Variants in ROBO1 observed in about 807,000 individuals in gnomAD.
ROBO1 encodes the protein roundabout guidance receptor 1.
Under a neutral mutation model 195.9 loss-of-function variants are expected in ROBO1, and 149 were observed. The observed-to-expected ratio is 0.76, with a 90% CI of 0.67 to 0.87. The LOEUF is 0.87. Among genes scored for constraint, ROBO1 ranks in the 40% least tolerant of loss-of-function variants. The probability of loss-of-function intolerance (pLI) is 0.00; values close to 1 mark genes in which losing one functional copy is unlikely to be tolerated. For missense variants in ROBO1, 1,933 were observed against 2,068.3 expected, an observed-to-expected ratio of 0.93 and a Z score of 1.27; for synonymous variants, 816 against 733.2, an observed-to-expected ratio of 1.11 and a Z score of -1.82.
At chr3:79,213,864 C>T (rs2082008645) in intron 2 of ROBO1, among the ~76,000 whole-genome samples, 1 of 127,204 alleles carries the variant, frequency 7.9e-6, no homozygotes, top group Non-Finnish European at 1.6e-5. Flanking sequence ...CTCATTCTGT[C>T]ACCCAGGCTG....
At chr3:79,521,275 T>C (rs1308535593) in intron 2 of ROBO1, among the ~76,000 whole-genome samples, 2 of 152,200 alleles carry the variant, frequency 1.3e-5, no homozygotes, top group Non-Finnish European at 2.9e-5. Context: ...TTGCCTTAAA[T>C]GTCTGACTAT....
intron 4 of ROBO1, among the ~76,000 whole-genome samples, chr3:78,827,775 T>C (rs1404174365): frequency 1.3e-5 from 2 of 152,182 alleles, no homozygotes; most frequent in Non-Finnish European, 1.5e-5. Context: ...GTTCTCTTCC[T>C]AAGGGAACTT....
intron 3 of ROBO1, among the ~76,000 whole-genome samples, chr3:79,042,103 A>G (rs905710759): frequency 2.6e-5 from 4 of 152,174 alleles, no homozygotes; most frequent in African/African-American, 9.7e-5. Flanking sequence ...GAAGGCTACT[A>G]TTTATTAAGC....
intron 1 of ROBO1, among the ~76,000 whole-genome samples, chr3:79,590,698 G>A (rs1943971142): frequency 1.3e-5 from 2 of 151,376 alleles, no homozygotes; most frequent in South Asian, 2.1e-4. Context: ...TCCAATAAGT[G>A]GAAAATAAAA....
At chr3:79,463,388 A>C (rs950830576) in intron 2 of ROBO1, among the ~76,000 whole-genome samples, 4 of 145,080 alleles carry the variant, frequency 2.8e-5, no homozygotes, top group African/African-American at 1.0e-4. Context: ...AAAAAAACAT[A>C]AAACAAAAAA....
At chr3:79,268,830 T>C (rs994055169) in intron 2 of ROBO1, among the ~76,000 whole-genome samples, 2 of 151,756 alleles carry the variant, frequency 1.3e-5, no homozygotes, top group Non-Finnish European at 3.0e-5. Flanking sequence ...ACCACATGGA[T>C]ACTATTCTGA....
chr3:78,699,907 T>C (rs139325557), intron 8 of ROBO1, among the ~76,000 whole-genome samples: 1,972 of 152,232 alleles, frequency 0.013, 24 homozygotes, highest in Non-Finnish European at 0.022. Context: ...AATTACTTTT[T>C]CAAGAAATTA....
At chr3:79,258,785 C>T (rs550038891) in intron 2 of ROBO1, among the ~76,000 whole-genome samples, 6 of 152,166 alleles carry the variant, frequency 3.9e-5, no homozygotes, top group Admixed American at 2.6e-4. Flanking sequence ...TCAGACTGAT[C>T]CCAAAATTCA....
intron 2 of ROBO1, among the ~76,000 whole-genome samples, chr3:79,499,387 A>G (rs1028869559): frequency 1.3e-5 from 2 of 152,226 alleles, no homozygotes; most frequent in Non-Finnish European, 2.9e-5. Flanking sequence ...AAAGAATGCT[A>G]AATACATCTG....
intron 2 of ROBO1, among the ~76,000 whole-genome samples, chr3:79,194,105 A>C (rs2081588909): frequency 6.6e-6 from 1 of 151,704 alleles, no homozygotes; most frequent in African/African-American, 2.4e-5. Context: ...ATTTGTTGAG[A>C]TTATAGAATC....
chr3:79,504,193 A>T lies in ROBO1; in HGVS notation c.88+85631T>A, dbSNP rs571810909. On this transcript the variant is annotated intron_variant, in intron 2 of 30. Transcript: ENST00000464233. ...TAAATCAAGGGCATTATATTTGAAA[A>T]GATTCTACATATATCTAATTTGCCC... is the stretch of plus-strand genomic sequence containing the variant. 3.3e-5 allele frequency among the ~76,000 whole-genome samples: 5 copies of T among 152,318 alleles called. No homozygotes were observed. The East Asian group carries it at 9.6e-4, about 29-fold the overall frequency.
intron 2 of ROBO1, among the ~76,000 whole-genome samples, chr3:79,485,519 G>T (rs960249491): frequency 6.6e-6 from 1 of 152,032 alleles, no homozygotes; most frequent in African/African-American, 2.4e-5. Flanking sequence ...AAAATTTAGT[G>T]TTCACTTCTG....
At chr3:79,157,671 T>G (rs2080882775) in intron 2 of ROBO1, among the ~76,000 whole-genome samples, 1 of 151,906 alleles carries the variant, frequency 6.6e-6, no homozygotes, top group African/African-American at 2.4e-5. Context: ...GAATAATTTG[T>G]TCTAAAAATT....
intron 1 of ROBO1, among the ~76,000 whole-genome samples, chr3:79,593,459 C>T (rs1944067830): frequency 6.6e-6 from 1 of 152,010 alleles, no homozygotes. Context: ...TTCTAGTGGG[C>T]ATGCAATGGT....
chr3:78,676,005 A>T (rs1559731731), intron 10 of ROBO1, among the ~76,000 whole-genome samples: 1 of 152,104 alleles, frequency 6.6e-6, no homozygotes. Context: ...AGACAGCAGC[A>T]TTCGAGGTTC....
intron 4 of ROBO1, among the ~76,000 whole-genome samples, chr3:78,891,542 T>C (rs930339836): frequency 1.3e-5 from 2 of 152,182 alleles, no homozygotes; most frequent in Non-Finnish European, 2.9e-5. Context: ...GGCTGGTCTT[T>C]TATAAAGCTA....
At chr3:78,821,564 C>T (rs138365207) in intron 4 of ROBO1, among the ~76,000 whole-genome samples, 7 of 152,142 alleles carry the variant, frequency 4.6e-5, no homozygotes, top group African/African-American at 1.4e-4. Flanking sequence ...CTAAATTGCT[C>T]GCTTTTCACA....
At chr3:78,938,087 A>G (rs1425253217) in intron 4 of ROBO1, 1 of 155,484 alleles carries the variant, frequency 6.4e-6, no homozygotes, top group Non-Finnish European at 1.4e-5. Context: ...GGGAGTTTTG[A>G]TCTGCTCCAT....
At chr3:79,054,353 T>A (rs1271239957) in intron 3 of ROBO1, among the ~76,000 whole-genome samples, 1 of 152,144 alleles carries the variant, frequency 6.6e-6, no homozygotes. Flanking sequence ...AATTACAAGA[T>A]GCTGTTGAAA....
Sources: allele counts gnomAD v4.1 joint callset (sites outside exome capture counted in the v4.1 genomes callset), GRCh38; gene constraint gnomAD v4.1.1; transcripts MANE v1.5; gene names NCBI Gene and HGNC (gene_info 2026-07-23, HGNC 2026-07-21).